Variants in ERICH3 observed in about 807,000 individuals in gnomAD.
The protein encoded by ERICH3 is glutamate-rich protein 3.
ERICH3 carries 126 observed loss-of-function variants against 131.1 expected under a neutral mutation model. The observed-to-expected ratio is 0.96, with a 90% CI of 0.83 to 1.11. The LOEUF (loss-of-function observed/expected upper bound fraction) is 1.11. Among genes scored for constraint, ERICH3 ranks in the 50% most tolerant of loss-of-function variants. ERICH3 has a pLI of 0.00. For missense variants in ERICH3, 2,050 were observed against 1,810.7 expected, an observed-to-expected ratio of 1.13 and a Z score of -2.40; for synonymous variants, 695 against 644.6, an observed-to-expected ratio of 1.08 and a Z score of -1.18.
At chr1:74,645,143 C>T (rs925723078) in intron 3 of ERICH3, among the ~76,000 whole-genome samples, 25 of 152,028 alleles carry the variant, frequency 1.6e-4, no homozygotes, top group Non-Finnish European at 3.2e-4. Flanking sequence ...AGTCATCCTC[C>T]TCTTCTTTTC....
In ERICH3 at chr1:74,673,783, A is replaced by G; in HGVS notation, c.-264T>C. 1 of 381,754 alleles carries G rather than the reference A, an allele frequency of 2.6e-6. No individual in the cohort carries two copies. The highest frequency in any genetic ancestry group is 4.6e-6 in the Non-Finnish European group (1 of 217,646). The allele number at this position is 381,754 out of a possible 1,614,324, so 23.6% of individuals were successfully genotyped here. On this transcript the variant is annotated 5_prime_UTR_variant, in exon 1 of 15. Coordinates refer to ENST00000326665, the MANE Select transcript of ERICH3 (RefSeq NM_001002912.5). ...AAGCGCCCAGGGTCTGGAGAAGCGGAGGCGCTACTGGAACCGAGCCTGCGG... is the reference window on the plus strand; with the variant it reads ...AAGCGCCCAGGGTCTGGAGAAGCGGGGGCGCTACTGGAACCGAGCCTGCGG...
Position 74,673,577 on chromosome 1 carries a change from C to T in ERICH3, c.-58G>A, listed in dbSNP as rs904461672. 113 of 1,588,270 alleles carry T rather than the reference C, an allele frequency of 7.1e-5. No homozygotes were observed. The highest frequency in any genetic ancestry group is 1.2e-4 in the African/African-American group (9 of 72,908). ...GTGCGGAGGGTGGGTGCGTGGGGCC[C>T]CGTGCGCGCTGGCGCTGCGACAGTC... On this transcript the variant is annotated 5_prime_UTR_variant, in exon 1 of 15. Coordinates refer to ENST00000326665, the MANE Select transcript of ERICH3 (RefSeq NM_001002912.5).
chr1:74,583,403 T>C (rs1225804516), intron 12 of ERICH3, among the ~76,000 whole-genome samples: 1 of 152,120 alleles, frequency 6.6e-6, no homozygotes, highest in African/African-American at 2.4e-5. Context: ...ACATAAGAGA[T>C]TAACAACAAT....
chr1:74,635,908 A>G (rs944814517), intron 6 of ERICH3, among the ~76,000 whole-genome samples: 2 of 152,206 alleles, frequency 1.3e-5, no homozygotes, highest in Non-Finnish European at 2.9e-5. Flanking sequence ...CTATTCTTGG[A>G]AAGTTTCATT....
chr1:74,652,684 C>T (rs1646547796), intron 1 of ERICH3, among the ~76,000 whole-genome samples: 1 of 152,066 alleles, frequency 6.6e-6, no homozygotes, highest in Admixed American at 6.6e-5. Context: ...GGTCGTGCTG[C>T]TTCAGGCCTG....
At chr1:74,653,145 C>G (rs1646553019) in intron 1 of ERICH3, among the ~76,000 whole-genome samples, 1 of 152,154 alleles carries the variant, frequency 6.6e-6, no homozygotes, top group African/African-American at 2.4e-5. Flanking sequence ...TGATTCATAA[C>G]AATCCCTTCT....
intron 1 of ERICH3, among the ~76,000 whole-genome samples, chr1:74,662,416 T>C (rs1646650573): frequency 6.6e-6 from 1 of 152,142 alleles, no homozygotes; most frequent in Admixed American, 6.6e-5. Flanking sequence ...GAAATATTCA[T>C]TTGTTGCAGT....
chr1:74,594,127 C>T (rs1360853521), intron 11 of ERICH3, among the ~76,000 whole-genome samples: 2 of 152,066 alleles, frequency 1.3e-5, no homozygotes, highest in Admixed American at 6.6e-5. Context: ...AATATGAATA[C>T]AAAGCAAAAG....
At position 74,589,638 on chromosome 1, in the gene ERICH3, C is replaced by T. The variant is rs944005127; in HGVS notation, c.2169G>A (p.Glu723=). 1 of 1,613,564 alleles carries T rather than the reference C, an allele frequency of 6.2e-7. No homozygotes were observed. The highest frequency in any genetic ancestry group is 8.5e-7 in the Non-Finnish European group (1 of 1,179,702). ...CTCAACGGCCATACTTACCACCTTC[C>T]TCCAACCCAGGGAGACCTGCCTTTT... ...KDKKAGLPGL[E]EGGKDSLPLA... is the part of the protein sequence containing the mutation. Residue 723 remains glutamate (E), a synonymous_variant, in exon 12 of 15, where the codon GAG becomes GAA. Transcript: ENST00000326665.
rs750941713 is a variant in ERICH3, at chr1:74,571,633, C to T, written c.4077G>A (p.Val1359=). The T allele has an allele frequency of 6.2e-7, 1 of 1,614,160 alleles. No individual in the cohort carries two copies. Among genetic ancestry groups the T allele is most frequent in the East Asian group, 2.2e-5 (1 of 44,864 alleles). The change falls in exon 14 of 15, where the codon GTG becomes GTA. Residue 1359 remains valine, a synonymous_variant. Transcript: ENST00000326665. The stretch of plus-strand genomic sequence containing the variant: ...CCTCGGCTGTCTCCGAACCTGCCAA[C>T]ACCTCCCTCTCCTCTGCGGCTGTTT... ...TAETAAEERE[V]LAGSETAEEK...
rs763304956 is a variant in ERICH3 at position 74,673,569 on chromosome 1, G to A, written c.-50C>T. ...CGCGGCAGGTGCGGAGGGTGGGTGC[G>A]TGGGGCCCCGTGCGCGCTGGCGCTG... On this transcript the variant is annotated 5_prime_UTR_variant, in exon 1 of 15. It adds an upstream start codon to the 5' untranslated region. Coordinates refer to ENST00000326665, the MANE Select transcript of ERICH3 (RefSeq NM_001002912.5). 2 of 1,594,228 alleles carry A rather than the reference G, an allele frequency of 1.3e-6. No homozygotes were observed. The highest frequency in any genetic ancestry group is 1.7e-6 in the Non-Finnish European group (2 of 1,169,930).
intron 11 of ERICH3, 150 bp from the exon 12 acceptor site, chr1:74,590,230 G>T (rs1647526529): frequency 1.4e-6 from 1 of 740,584 alleles, no homozygotes; most frequent in Admixed American, 3.2e-5. Context: ...TCTACTCAGT[G>T]GTCCCCAATC....
chr1:74,577,054 C>T, intron 12 of ERICH3, 118 bp from the exon 13 acceptor site: 2 of 775,222 alleles, frequency 2.6e-6, no homozygotes, highest in Non-Finnish European at 4.1e-6. Flanking sequence ...GTTCAACTAT[C>T]TGGGAGGCAG....
At chr1:74,665,298 C>T (rs965191592) in intron 1 of ERICH3, among the ~76,000 whole-genome samples, 1 of 152,044 alleles carries the variant, frequency 6.6e-6, no homozygotes, top group African/African-American at 2.4e-5. Flanking sequence ...ACCTCCAGAG[C>T]CGTGAGAAAT....
intron 12 of ERICH3, 131 bp downstream of exon 12, chr1:74,589,500 A>G: frequency 1.2e-6 from 1 of 861,314 alleles, no homozygotes; most frequent in Non-Finnish European, 1.8e-6. Context: ...ACAAAGAGAG[A>G]CACAGCAAAA....
chr1:74,660,402 C>T (rs1343294734), intron 1 of ERICH3, among the ~76,000 whole-genome samples: 2 of 151,582 alleles, frequency 1.3e-5, no homozygotes, highest in African/African-American at 4.8e-5. Flanking sequence ...TTGATAAAGG[C>T]AGTTACCATT....
At chr1:74,621,973 G>A (rs971392011) in intron 7 of ERICH3, 4 of 152,188 alleles carry the variant, frequency 2.6e-5, no homozygotes, top group Non-Finnish European at 5.9e-5. Context: ...GACAAAAAAT[G>A]TGCAGAGACC....
At position 74,612,667 on chromosome 1, in the gene ERICH3, G is replaced by A; in HGVS notation, c.1143C>T (p.Gly381=). ...RKGSRLGGKR[G]YFGFVCVERS... is the part of the protein sequence containing the mutation. ...TCTCAACACACACAAACCCAAAGTA[G>A]CCTCGTTTGCCTCCAAGCCTGGAAC... Residue 381 remains glycine (G), a synonymous_variant, in exon 9 of 15, where the codon GGC becomes GGT. Coordinates refer to ENST00000326665, the MANE Select transcript of ERICH3 (RefSeq NM_001002912.5). 1.3e-6 allele frequency: 2 copies of A among 1,591,414 alleles called. No individual in the cohort carries two copies. Among genetic ancestry groups the A allele is most frequent in the Non-Finnish European group, 8.6e-7 (1 of 1,162,940 alleles).
chr1:74,576,505 T>C (rs1647057032), intron 13 of ERICH3, among the ~76,000 whole-genome samples: 1 of 152,162 alleles, frequency 6.6e-6, no homozygotes, highest in Non-Finnish European at 1.5e-5. Flanking sequence ...GGAACCAGCA[T>C]AAATACAGGT....
Sources: gnomAD v4.1 joint callset for allele counts (sites outside exome capture counted in the v4.1 genomes callset) on GRCh38, gnomAD v4.1.1 for gene constraint, MANE v1.5 for transcripts, NCBI Gene and HGNC (gene_info 2026-07-23, HGNC 2026-07-21) for gene names.